RANBP3: variants seen among roughly 807,000 people sequenced by gnomAD.
RANBP3 encodes RAN binding protein 3.
In RANBP3, 14 loss-of-function variants were observed where a neutral mutation model predicts 77.3. That is an observed-to-expected ratio of 0.18 (90% CI 0.12 to 0.28). The LOEUF (loss-of-function observed/expected upper bound fraction) is 0.28. Ranked by LOEUF, RANBP3 falls within the 10% of genes least tolerant of loss-of-function variation. The probability of loss-of-function intolerance (pLI) is 1.00; values close to 1 mark genes in which losing one functional copy is unlikely to be tolerated. For missense variants in RANBP3, 586 were observed against 752.3 expected (o/e 0.78, Z 2.59); for synonymous variants, 315 against 312.4 (o/e 1.01, Z -0.09).
At chr19:5,973,899 G>A (rs2058558118) in intron 1 of RANBP3, among the ~76,000 whole-genome samples, 1 of 152,230 alleles carries the variant, frequency 6.6e-6, no homozygotes, top group African/African-American at 2.4e-5. Flanking sequence ...AAGAGGTTAA[G>A]AAATTTGCCC....
chr19:5,951,537 C>G lies in RANBP3; in HGVS notation c.138G>C (p.Glu46Asp). The G allele has an allele frequency of 1.2e-6, 2 of 1,612,416 alleles. No individual in the cohort carries two copies. The highest frequency in any genetic ancestry group is 1.7e-6 in the Non-Finnish European group (2 of 1,179,144). The change falls in exon 3 of 17, where the codon GAG becomes GAC. Residue 46 changes from glutamate to aspartate, a missense_variant. Physicochemically the swap from Glu to Asp is conservative, Grantham distance 45 (BLOSUM62 2). Around this residue, in one of 5 missense-constraint regions of RANBP3, gnomAD observed 172 missense variants for 183.4 expected, o/e 0.94. Coordinates refer to ENST00000340578, the MANE Select transcript of RANBP3 (RefSeq NM_007322.3). ...DSGEEPRGEA[E>D]APHHGTGHPE... is the part of the protein sequence containing the mutation. Reference sequence around the variant, plus strand: ...GGTGACCCGTGCCATGGTGGGGGGCCTCAGCCTCCCCCCGAGGCTCCTCTC... The same window carrying G: ...GGTGACCCGTGCCATGGTGGGGGGCGTCAGCCTCCCCCCGAGGCTCCTCTC...
At chr19:5,933,368 A>T in intron 6 of RANBP3, 46 bp downstream of exon 6, 1 of 1,541,096 alleles carries the variant, frequency 6.5e-7, no homozygotes, top group Non-Finnish European at 8.8e-7. Flanking sequence ...GAGGTCTGAA[A>T]AACGTCAGAG....
chr19:5,965,697 C>T (rs573385476), intron 1 of RANBP3: 3 of 152,354 alleles, frequency 2.0e-5, no homozygotes, highest in East Asian at 1.9e-4. Flanking sequence ...TTTCCCAACG[C>T]TCCAGGTGAA....
chr19:5,944,680 G>A (rs1233370318), intron 3 of RANBP3, among the ~76,000 whole-genome samples: 1 of 152,196 alleles, frequency 6.6e-6, no homozygotes, highest in Non-Finnish European at 1.5e-5. Context: ...GCAGGTCACT[G>A]TCTGAGGCCA....
chr19:5,970,504 G>C (rs1201550238), intron 1 of RANBP3, among the ~76,000 whole-genome samples: 1 of 152,146 alleles, frequency 6.6e-6, no homozygotes, highest in Non-Finnish European at 1.5e-5. Flanking sequence ...ACACTGGACA[G>C]TGTCTGGAGA....
chr19:5,966,274 A>C (rs1348774838), intron 1 of RANBP3, among the ~76,000 whole-genome samples: 3 of 152,192 alleles, frequency 2.0e-5, no homozygotes, highest in Non-Finnish European at 4.4e-5. Context: ...GGGGTCAGTG[A>C]AAGGCTTCCC....
At chr19:5,961,199 T>G (rs2058395885) in intron 1 of RANBP3, among the ~76,000 whole-genome samples, 1 of 148,582 alleles carries the variant, frequency 6.7e-6, no homozygotes, top group African/African-American at 2.4e-5. Flanking sequence ...ATCCCAGCAC[T>G]TTGGGAGGCC....
intron 4 of RANBP3, 35 bp from the exon 5 acceptor site, chr19:5,941,742 C>CA: frequency 1.9e-6 from 3 of 1,612,480 alleles, no homozygotes; most frequent in Non-Finnish European, 2.5e-6. Flanking sequence ...GGAGAAAAAT[C>CA]AGGTTGCTTC....
chr19:5,975,084 G>A (rs563136488), intron 1 of RANBP3, among the ~76,000 whole-genome samples: 1 of 152,300 alleles, frequency 6.6e-6, no homozygotes, highest in Admixed American at 6.5e-5. Context: ...GCTTCAAAAG[G>A]CACAGGCAAG....
At chr19:5,964,864 T>A (rs866820272) in intron 1 of RANBP3, among the ~76,000 whole-genome samples, 1 of 17,448 alleles carries the variant, frequency 5.7e-5, no homozygotes, top group East Asian at 3.8e-3. Context: ...GGGGGGGGGG[T>A]GGCACGGTGG....
rs774121746 is a variant in RANBP3, at chr19:5,971,944, G to T, written c.22+6117C>A. ...ACAGGCGCAGCTGTTCCTTAGCACT[G>T]AAAAATCACTGCTGTGCAAGAATGC... On this transcript the variant is annotated intron_variant, in intron 1 of 16. Coordinates refer to ENST00000340578, the MANE Select transcript of RANBP3 (RefSeq NM_007322.3). Among the ~76,000 whole-genome samples the T allele has an allele frequency of 7.9e-4, 120 of 152,334 alleles. 1 individual carries two copies. The highest frequency in any genetic ancestry group is 1.8e-3 in the Admixed American group (27 of 15,310).
At chr19:5,937,056 C>CAAAA (rs71172783) in intron 5 of RANBP3, among the ~76,000 whole-genome samples, 2,625 of 37,130 alleles carry the variant, frequency 0.071, 456 homozygotes, top group Admixed American at 0.1. Context: ...ACTCTGTCTC[C>CAAAA]AAAAAAAAAA....
intron 1 of RANBP3, among the ~76,000 whole-genome samples, chr19:5,966,343 T>G (rs1160911113): frequency 6.6e-6 from 1 of 152,102 alleles, no homozygotes; most frequent in Non-Finnish European, 1.5e-5. Flanking sequence ...CAATGGCTGA[T>G]CCCCGACAAG....
intron 8 of RANBP3, among the ~76,000 whole-genome samples, chr19:5,930,991 C>T (rs1273549271): frequency 2.0e-5 from 3 of 152,202 alleles, no homozygotes; most frequent in South Asian, 2.1e-4. Flanking sequence ...TCATGTTAAA[C>T]ATTGCAAGAC....
Position 5,932,449 on chromosome 19 carries a change from T to TA in RANBP3, c.565+2dup, listed in dbSNP as rs1252563736. 1 of 1,613,220 alleles carries TA rather than the reference T, an allele frequency of 6.2e-7. No homozygotes were observed. Among genetic ancestry groups the TA allele is most frequent in the Non-Finnish European group, 8.5e-7 (1 of 1,179,568 alleles). ...CCTGGGCGCCAGGGCTGCTGTTTCT[T>TA]ACCAGTCTGGGACAGCGCCTTTGGC... On this transcript the variant is annotated splice_region_variant and intron_variant, in intron 7 of 16. Coordinates refer to ENST00000340578, the MANE Select transcript of RANBP3 (RefSeq NM_007322.3).
chr19:5,927,265 C>A (rs1397344381), intron 9 of RANBP3, among the ~76,000 whole-genome samples: 1 of 152,190 alleles, frequency 6.6e-6, no homozygotes, highest in African/African-American at 2.4e-5. Context: ...CATCCCTTCC[C>A]CACCACACAA....
chr19:5,951,274 G>A (rs1438278988), intron 3 of RANBP3, 119 bp downstream of exon 3: 2 of 947,278 alleles, frequency 2.1e-6, no homozygotes, highest in African/African-American at 1.6e-5. Context: ...CATCTTTTAA[G>A]TTACCATTAG....
intron 1 of RANBP3, chr19:5,965,819 T>C (rs918629754): frequency 8.1e-6 from 1 of 123,176 alleles, no homozygotes; most frequent in Non-Finnish European, 1.9e-5. Context: ...TGGTTTCATA[T>C]ACGTGGCCAG....
In RANBP3 at chr19:5,918,463, G is replaced by A. The variant is rs1366028044; in HGVS notation, c.1473+33C>T. 3.8e-6 allele frequency: 6 copies of A among 1,569,880 alleles called. No individual in the cohort carries two copies. In the East Asian group the frequency reaches 9.4e-5, roughly 25 times the overall value. On this transcript the variant is annotated intron_variant, in intron 15 of 16. Transcript: ENST00000340578. ...AACCCCCACAGGGCTGGCAGGATGA[G>A]GGGTCCCAGATGCACCCGCGTGGCT... is the stretch of plus-strand genomic sequence containing the variant.
Sources: allele counts gnomAD v4.1 joint callset (sites outside exome capture counted in the v4.1 genomes callset), GRCh38; gene constraint gnomAD v4.1.1; regional missense constraint gnomAD v4.1.1; transcripts MANE v1.5; gene names NCBI Gene and HGNC (gene_info 2026-07-23, HGNC 2026-07-21).